FOCAD: variants seen among roughly 807,000 people sequenced by gnomAD.
The protein encoded by FOCAD is KIAA1797.
In FOCAD, 198 loss-of-function variants were observed where a neutral mutation model predicts 225.6. The ratio of observed to expected loss-of-function variants is 0.88; its 90% CI spans 0.78 to 0.99. FOCAD has a LOEUF of 0.99. Among genes scored for constraint, FOCAD ranks in the 50% least tolerant of loss-of-function variants. The pLI is 0.00. For missense variants in FOCAD, 2,713 were observed against 2,123.6 expected, an observed-to-expected ratio of 1.28 and a Z score of -5.46; for synonymous variants, 897 against 755.0, an observed-to-expected ratio of 1.19 and a Z score of -3.08.
chr9:20,723,711 G>A (rs1399093658), intron 4 of FOCAD, among the ~76,000 whole-genome samples: 2 of 152,114 alleles, frequency 1.3e-5, no homozygotes, highest in Non-Finnish European at 2.9e-5. Flanking sequence ...AGAAATAGTA[G>A]CCTATTACAT....
intron 2 of FOCAD, among the ~76,000 whole-genome samples, chr9:20,676,840 A>G (rs1822251446): frequency 1.3e-5 from 2 of 152,202 alleles, no homozygotes; most frequent in African/African-American, 4.8e-5. Flanking sequence ...GATTCAATAC[A>G]ATCCCTAAAA....
intron 17 of FOCAD, among the ~76,000 whole-genome samples, chr9:20,866,266 GCTT>G (rs1331597141): frequency 3.5e-4 from 37 of 106,200 alleles, no homozygotes; most frequent in Middle Eastern, 4.7e-3. Context: ...CCCCTTTCCT[GCTT>G]TGCCCCTTCC....
At chr9:20,842,585 C>T (rs1230382298) in intron 15 of FOCAD, among the ~76,000 whole-genome samples, 3 of 151,900 alleles carry the variant, frequency 2.0e-5, no homozygotes, top group Non-Finnish European at 4.4e-5. Context: ...TCTTTTCCAT[C>T]CCCTTTATTT....
intron 1 of FOCAD, among the ~76,000 whole-genome samples, chr9:20,690,655 A>G (rs957021574): frequency 6.6e-6 from 1 of 152,104 alleles, no homozygotes; most frequent in African/African-American, 2.4e-5. Flanking sequence ...CTCAAGTGGT[A>G]CTTCTGCCTT....
At chr9:20,991,812 CAAAA>C (rs58403366) in intron 42 of FOCAD, among the ~76,000 whole-genome samples, 1 of 105,940 alleles carries the variant, frequency 9.4e-6, no homozygotes, top group Admixed American at 1.0e-4. Context: ...GACTCTGTCT[CAAAA>C]AAAAAAAAAA....
intron 4 of FOCAD, among the ~76,000 whole-genome samples, chr9:20,730,180 CTGAT>C (rs1433563099): frequency 1.3e-5 from 2 of 152,114 alleles, no homozygotes; most frequent in African/African-American, 4.8e-5. Context: ...GACATAGTAT[CTGAT>C]TGTTTTCATT....
Position 20,923,748 on chromosome 9 carries a change from G to A in FOCAD, c.2941G>A (p.Asp981Asn). 1 of 1,613,808 alleles carries A rather than the reference G, an allele frequency of 6.2e-7. No homozygotes were observed. Among genetic ancestry groups the A allele is most frequent in the Non-Finnish European group, 8.5e-7 (1 of 1,179,808 alleles). ...VSRHEASLSSDSDGLLEVQPN... is the reference protein window; with the variant it reads ...VSRHEASLSSNSDGLLEVQPN... ...TAGACATGAAGCCAGCCTCTCCTCA[G>A]ACTCTGACGGGCTCCTGGAGGTTAG... Residue 981 changes from aspartate (D) to asparagine (N), a missense_variant, in exon 25 of 44, where the codon GAC becomes AAC. Physicochemically the swap from Asp to Asn is conservative, Grantham distance 23 (BLOSUM62 1). Coordinates refer to ENST00000338382, the MANE Select transcript of FOCAD (RefSeq NM_001375567.1).
chr9:20,886,228 C>G (rs1182090662), intron 21 of FOCAD, among the ~76,000 whole-genome samples: 1 of 151,326 alleles, frequency 6.6e-6, no homozygotes, highest in East Asian at 1.9e-4. Flanking sequence ...TTTTTTTTGC[C>G]TAATATAGTG....
chr9:20,788,046 C>T (rs1029959730), intron 10 of FOCAD, among the ~76,000 whole-genome samples: 5 of 152,162 alleles, frequency 3.3e-5, no homozygotes, highest in Non-Finnish European at 4.4e-5. Flanking sequence ...TATTCATTAT[C>T]GCCAAAATGT....
chr9:20,673,311 G>A (rs1295242704), intron 2 of FOCAD, among the ~76,000 whole-genome samples: 3 of 152,060 alleles, frequency 2.0e-5, no homozygotes, highest in South Asian at 4.1e-4. Context: ...TAGGTCATAC[G>A]GAACTCTATG....
chr9:20,995,254 C>A (rs1285762413), intron 43 of FOCAD, among the ~76,000 whole-genome samples: 3 of 151,518 alleles, frequency 2.0e-5, no homozygotes, highest in Non-Finnish European at 4.4e-5. Context: ...GGAACACAGC[C>A]ATGTAGTCAG....
chr9:20,956,503 G>T (rs749029378), intron 35 of FOCAD, among the ~76,000 whole-genome samples: 2 of 152,048 alleles, frequency 1.3e-5, no homozygotes, highest in Admixed American at 6.6e-5. Context: ...CTATATGTAT[G>T]TGTATGTGTT....
chr9:20,686,293 A>C (rs572199571), intron 1 of FOCAD, among the ~76,000 whole-genome samples: 24 of 152,310 alleles, frequency 1.6e-4, no homozygotes, highest in African/African-American at 4.8e-4. Flanking sequence ...AGTAGCTGGG[A>C]TTACAGGCGC....
chr9:20,659,225 C>T, intron 2 of FOCAD, among the ~76,000 whole-genome samples: 1 of 135,320 alleles, frequency 7.4e-6, no homozygotes, highest in Non-Finnish European at 1.6e-5. Context: ...GCTCCCCTCC[C>T]CCCGCCCCAC....
At chr9:20,781,248 C>G (rs771514114) in intron 9 of FOCAD, among the ~76,000 whole-genome samples, 3 of 152,160 alleles carry the variant, frequency 2.0e-5, no homozygotes, top group Non-Finnish European at 2.9e-5. Context: ...GACTTTGGGA[C>G]TTTCACAATC....
intron 5 of FOCAD, among the ~76,000 whole-genome samples, chr9:20,754,199 G>C (rs1307524151): frequency 2.6e-5 from 4 of 152,056 alleles, no homozygotes; most frequent in Non-Finnish European, 4.4e-5. Context: ...GAAAAATCTT[G>C]AGTAATCCAT....
At chr9:20,787,970 A>G (rs891869691) in intron 10 of FOCAD, among the ~76,000 whole-genome samples, 5 of 152,196 alleles carry the variant, frequency 3.3e-5, no homozygotes, top group African/African-American at 9.7e-5. Flanking sequence ...ACTCTTAGGT[A>G]TATACTCAAG....
At chr9:20,946,555 A>AG (rs1160958547) in intron 29 of FOCAD, 146 bp from the exon 30 acceptor site, 25 of 758,690 alleles carry the variant, frequency 3.3e-5, no homozygotes, top group Non-Finnish European at 5.2e-5. Flanking sequence ...TAAGTTAGGC[A>AG]GAAAAACAGT....
At chr9:20,695,583 T>A (rs996593302) in intron 1 of FOCAD, among the ~76,000 whole-genome samples, 8 of 152,180 alleles carry the variant, frequency 5.3e-5, no homozygotes, top group African/African-American at 1.9e-4. Context: ...ACATTTGACA[T>A]AAAGCTTGTA....
Sources: gnomAD v4.1 joint callset for allele counts (sites outside exome capture counted in the v4.1 genomes callset) on GRCh38, gnomAD v4.1.1 for gene constraint, MANE v1.5 for transcripts, NCBI Gene and HGNC (gene_info 2026-07-23, HGNC 2026-07-21) for gene names.